The following PID1 variants were observed in gnomAD, a reference collection of about 807,000 sequenced individuals.
PID1 encodes the protein PTB-containing, cubilin and LRP1-interacting protein.
PID1 carries 10 observed loss-of-function variants against 19.1 expected under a neutral mutation model. The ratio of observed to expected loss-of-function variants is 0.52; its 90% CI spans 0.32 to 0.89. The LOEUF (loss-of-function observed/expected upper bound fraction) is 0.89, where lower values mean the gene tolerates loss of function less well. PID1 is among the 40% of genes least tolerant of loss of function. The probability of loss-of-function intolerance (pLI) is 0.03; values close to 1 mark genes in which losing one functional copy is unlikely to be tolerated. For synonymous variants in PID1, 130 were observed against 116.0 expected (o/e 1.12, Z -0.78); for missense variants, 248 against 285.3 (o/e 0.87, Z 0.94).
At chr2:229,112,684 C>T (rs528442880) in intron 2 of PID1, among the ~76,000 whole-genome samples, 6 of 152,178 alleles carry the variant, frequency 3.9e-5, no homozygotes, top group African/African-American at 1.4e-4. Flanking sequence ...GGGGTTTCAC[C>T]ATGTTTCCCA....
chr2:229,094,651 C>T (rs1232172733), intron 2 of PID1, among the ~76,000 whole-genome samples: 1 of 152,032 alleles, frequency 6.6e-6, no homozygotes, highest in African/African-American at 2.4e-5. Context: ...ACCAATTGAT[C>T]TTTGACAAAG....
At chr2:229,064,361 G>T (rs969779946) in intron 2 of PID1, among the ~76,000 whole-genome samples, 1 of 152,016 alleles carries the variant, frequency 6.6e-6, no homozygotes, top group Non-Finnish European at 1.5e-5. Flanking sequence ...TTGACTGAGT[G>T]GGGGGTTGTG....
chr2:229,156,241 C>G (rs540300873), intron 1 of PID1, among the ~76,000 whole-genome samples: 13 of 152,266 alleles, frequency 8.5e-5, no homozygotes, highest in African/African-American at 2.9e-4. Flanking sequence ...AGAAGCTCTT[C>G]CAACGTACTG....
In PID1 at chr2:229,064,333, G is replaced by A. The variant is rs534948639; in HGVS notation, c.178-38225C>T. 6.0e-4 allele frequency among the ~76,000 whole-genome samples: 91 copies of A among 152,188 alleles called. 1 individual carries two copies. Among genetic ancestry groups the A allele is most frequent in the African/African-American group, 2.0e-3 (84 of 41,542 alleles). Reference sequence around the variant, plus strand: ...GGTTCATGATTGACAGAATAGGCATGATCATGGTGGTGGGGATTTGACTGA... The same window carrying A: ...GGTTCATGATTGACAGAATAGGCATAATCATGGTGGTGGGGATTTGACTGA... On this transcript the variant is annotated intron_variant, in intron 2 of 2. Transcript: ENST00000392055.
chr2:229,101,454 T>A (rs1215727806), intron 2 of PID1, among the ~76,000 whole-genome samples: 1 of 152,128 alleles, frequency 6.6e-6, no homozygotes. Flanking sequence ...GAAACTGAGC[T>A]GCACAGCACA....
chr2:229,082,282 C>T (rs1694683466), intron 2 of PID1, among the ~76,000 whole-genome samples: 1 of 152,180 alleles, frequency 6.6e-6, no homozygotes, highest in South Asian at 2.1e-4. Flanking sequence ...CAGTTAAAAA[C>T]AAACAAACAT....
intron 1 of PID1, among the ~76,000 whole-genome samples, chr2:229,191,796 G>A (rs1691265819): frequency 6.6e-6 from 1 of 152,224 alleles, no homozygotes; most frequent in Admixed American, 6.5e-5. Context: ...GCAGGCTCAT[G>A]AGAGATAGTG....
intron 1 of PID1, among the ~76,000 whole-genome samples, chr2:229,227,794 C>G (rs1234563968): frequency 3.3e-5 from 5 of 152,126 alleles, no homozygotes; most frequent in African/African-American, 1.2e-4. Flanking sequence ...GTGTACTGAA[C>G]AGGTACAGAC....
At chr2:229,158,013 C>T (rs1026745983) in intron 1 of PID1, among the ~76,000 whole-genome samples, 7 of 152,064 alleles carry the variant, frequency 4.6e-5, no homozygotes, top group Admixed American at 2.0e-4. Context: ...TTCACTGTTC[C>T]GACAAAAACA....
At chr2:229,073,189 C>A (rs565439452) in intron 2 of PID1, among the ~76,000 whole-genome samples, 16 of 152,262 alleles carry the variant, frequency 1.1e-4, no homozygotes, top group African/African-American at 3.8e-4. Flanking sequence ...CCACGCCTGG[C>A]TAATTTTTTG....
chr2:229,055,503 G>T (rs1198271722), intron 2 of PID1, among the ~76,000 whole-genome samples: 1 of 152,160 alleles, frequency 6.6e-6, no homozygotes, highest in Non-Finnish European at 1.5e-5. Context: ...GTTGCCTTGG[G>T]TATGTGCCCA....
chr2:229,110,982 G>T (rs956366904), intron 2 of PID1, among the ~76,000 whole-genome samples: 1 of 152,152 alleles, frequency 6.6e-6, no homozygotes, highest in Non-Finnish European at 1.5e-5. Context: ...GAATCATGGG[G>T]ACGGTTTCCC....
intron 1 of PID1, among the ~76,000 whole-genome samples, chr2:229,238,415 C>G (rs1460450436): frequency 1.3e-5 from 2 of 152,120 alleles, no homozygotes; most frequent in Non-Finnish European, 2.9e-5. Context: ...ATAAATTGGT[C>G]AGTGAATTCA....
At chr2:229,027,885 G>A (rs557539399) in intron 2 of PID1, among the ~76,000 whole-genome samples, 3 of 152,212 alleles carry the variant, frequency 2.0e-5, no homozygotes, top group Admixed American at 2.0e-4. Context: ...CTGAGGAATC[G>A]GGGCGTCGTT....
intron 2 of PID1, among the ~76,000 whole-genome samples, chr2:229,139,041 G>T (rs200986205): frequency 2.0e-5 from 1 of 51,076 alleles, no homozygotes; most frequent in Non-Finnish European, 4.5e-5. Flanking sequence ...GAAAGAAAGA[G>T]AAAGAAAGAA....
intron 2 of PID1, among the ~76,000 whole-genome samples, chr2:229,131,941 G>T (rs1689750496): frequency 6.6e-6 from 1 of 151,916 alleles, no homozygotes; most frequent in African/African-American, 2.4e-5. Context: ...CTTCTGTCTG[G>T]GAGCAAACCC....
At chr2:229,083,883 T>C (rs755078682) in intron 2 of PID1, among the ~76,000 whole-genome samples, 3 of 152,198 alleles carry the variant, frequency 2.0e-5, no homozygotes, top group Admixed American at 6.5e-5. Flanking sequence ...GACAGAAAGA[T>C]GTAAAGGTTG....
chr2:229,031,306 C>T (rs1693550388), intron 2 of PID1, among the ~76,000 whole-genome samples: 1 of 151,444 alleles, frequency 6.6e-6, no homozygotes, highest in South Asian at 2.1e-4. Context: ...GCCTGTAATC[C>T]CAGCACTTTG....
At chr2:229,150,671 A>G (rs1690232765) in intron 2 of PID1, among the ~76,000 whole-genome samples, 1 of 152,202 alleles carries the variant, frequency 6.6e-6, no homozygotes, top group African/African-American at 2.4e-5. Flanking sequence ...CTAAATCCCC[A>G]GTTATGTGTC....
Sources: allele counts gnomAD v4.1 joint callset (sites outside exome capture counted in the v4.1 genomes callset), GRCh38; gene constraint gnomAD v4.1.1; transcripts MANE v1.5; gene names NCBI Gene and HGNC (gene_info 2026-07-23, HGNC 2026-07-21).